The following POFUT3 variants were observed in gnomAD, a reference collection of about 807,000 sequenced individuals.
POFUT3 encodes GDP-fucose protein O-fucosyltransferase 3.
At chr8:33,384,284 C>A in the POFUT3 span, among the ~76,000 whole-genome samples, 3 of 152,194 alleles carry the variant, frequency 2.0e-5, no homozygotes, top group African/African-American at 7.2e-5. Flanking sequence ...CAGAATTCAT[C>A]ACTGCCACTG....
At chr8:33,318,800 TATTTTATATATATTATATATATATA>T in the POFUT3 span, among the ~76,000 whole-genome samples, 1 of 50,512 alleles carries the variant, frequency 2.0e-5, no homozygotes, top group Non-Finnish European at 2.8e-5. Context: ...AATATATATA[TATTTTATATATATTATATATATATA>T]TTTTATATAT....
At chr8:33,371,593 C>T in the POFUT3 span, 2 of 152,252 alleles carry the variant, frequency 1.3e-5, no homozygotes, top group African/African-American at 2.4e-5. Flanking sequence ...GGAAAGAAAA[C>T]ATGAGCCAGT....
At chr8:33,316,953 G>A in the POFUT3 span, among the ~76,000 whole-genome samples, 2 of 152,046 alleles carry the variant, frequency 1.3e-5, no homozygotes, top group Non-Finnish European at 2.9e-5. Context: ...GAGCAAATGT[G>A]TAAAGTAGTG....
the POFUT3 span, chr8:33,372,843 G>C: frequency 6.3e-7 from 1 of 1,575,842 alleles, no homozygotes; most frequent in Non-Finnish European, 8.7e-7. Flanking sequence ...AAAAACATAT[G>C]ATAATGAAGC....
the POFUT3 span, chr8:33,461,731 A>G: frequency 5.7e-6 from 7 of 1,219,432 alleles, no homozygotes; most frequent in African/African-American, 1.1e-4. Flanking sequence ...AAATTCTGCA[A>G]CAAAAGATCA....
the POFUT3 span, chr8:33,372,547 T>C: frequency 1.2e-6 from 2 of 1,602,960 alleles, no homozygotes; most frequent in East Asian, 4.5e-5. Flanking sequence ...AAGAAGGCTC[T>C]AGTCTGTTTC....
the POFUT3 span, among the ~76,000 whole-genome samples, chr8:33,398,548 T>G: frequency 6.6e-6 from 1 of 152,186 alleles, no homozygotes; most frequent in Admixed American, 6.5e-5. Context: ...TTTCTGCTTT[T>G]TGGAAATACA....
chr8:33,318,435 T>C, the POFUT3 span, among the ~76,000 whole-genome samples: 27 of 143,486 alleles, frequency 1.9e-4, no homozygotes, highest in Admixed American at 4.7e-4. Flanking sequence ...CATGTATATA[T>C]GTATTTATAT....
chr8:33,382,261 C>T, the POFUT3 span, among the ~76,000 whole-genome samples: 1 of 152,116 alleles, frequency 6.6e-6, no homozygotes, highest in East Asian at 1.9e-4. Flanking sequence ...CACTGTACTC[C>T]AGCCTGGGTG....
chr8:33,424,150 A>T, the POFUT3 span, among the ~76,000 whole-genome samples: 2 of 151,994 alleles, frequency 1.3e-5, no homozygotes, highest in East Asian at 1.9e-4. Context: ...AAAAAAAAAA[A>T]ATATGAGAAA....
chr8:33,410,545 A>C, the POFUT3 span, among the ~76,000 whole-genome samples: 1 of 152,064 alleles, frequency 6.6e-6, no homozygotes, highest in Non-Finnish European at 1.5e-5. Flanking sequence ...TGCACTGAAC[A>C]TTTCTCAAGT....
At chr8:33,409,997 T>C in the POFUT3 span, among the ~76,000 whole-genome samples, 1 of 152,208 alleles carries the variant, frequency 6.6e-6, no homozygotes, top group Non-Finnish European at 1.5e-5. Flanking sequence ...TGCCTTTGAA[T>C]AATGCAATAG....
chr8:33,317,448 T>C, the POFUT3 span, among the ~76,000 whole-genome samples: 1 of 152,082 alleles, frequency 6.6e-6, no homozygotes, highest in African/African-American at 2.4e-5. Context: ...CCATAGCCAA[T>C]CAGAAATCAG....
At chr8:33,314,408 T>C in the POFUT3 span, among the ~76,000 whole-genome samples, 13,646 of 152,270 alleles carry the variant, frequency 0.09, 1,144 homozygotes, top group African/African-American at 0.21. Context: ...AAAAAGGCAC[T>C]AACAGACAGT....
the POFUT3 span, among the ~76,000 whole-genome samples, chr8:33,458,688 C>A: frequency 2.8e-4 from 42 of 152,046 alleles, 1 homozygote; most frequent in South Asian, 8.1e-3. Context: ...GCACTCCAGC[C>A]TGGCAAGAGA....
At chr8:33,389,410 CTG>C in the POFUT3 span, 6 of 1,614,096 alleles carry the variant, frequency 3.7e-6, no homozygotes, top group South Asian at 6.6e-5. Context: ...GATTTTTCAG[CTG>C]CTGAGGGAGG....
chr8:33,446,117 G>A, the POFUT3 span, among the ~76,000 whole-genome samples: 2 of 152,118 alleles, frequency 1.3e-5, no homozygotes, highest in South Asian at 4.1e-4. Context: ...GAAAGACCAT[G>A]GCAGCCTTCC....
At chr8:33,457,044 C>T in the POFUT3 span, among the ~76,000 whole-genome samples, 1 of 152,060 alleles carries the variant, frequency 6.6e-6, no homozygotes, top group Non-Finnish European at 1.5e-5. Flanking sequence ...GCTGGGATTA[C>T]AGGCCTAAGC....
chr8:33,372,446 G>A, the POFUT3 span: 5 of 1,435,244 alleles, frequency 3.5e-6, no homozygotes, highest in Admixed American at 2.9e-5. Context: ...GGCTCATTAT[G>A]AGTACTGCAG....
Sources: gnomAD v4.1 joint callset for allele counts (sites outside exome capture counted in the v4.1 genomes callset) on GRCh38, gnomAD v4.1.1 for gene constraint, MANE v1.5 for transcripts, NCBI Gene and HGNC (gene_info 2026-07-23, HGNC 2026-07-21) for gene names.